Variants in ADARB2 observed in about 807,000 individuals in gnomAD.
ADARB2 encodes the protein inactive double-stranded RNA-specific editase B2.
ADARB2 carries 25 observed loss-of-function variants against 62.2 expected under a neutral mutation model. That is an observed-to-expected ratio of 0.40 (90% CI 0.29 to 0.56). The LOEUF is 0.56. ADARB2 is among the 20% of genes least tolerant of loss of function. ADARB2 has a pLI of 0.43. For synonymous variants in ADARB2, 572 were observed against 500.8 expected (o/e 1.14, Z -1.90); for missense variants, 1,071 against 1,077.4 (o/e 0.99, Z 0.08).
intron 4 of ADARB2, among the ~76,000 whole-genome samples, chr10:1,244,312 G>A (rs1830957401): frequency 6.6e-6 from 1 of 152,234 alleles, no homozygotes. Flanking sequence ...TAGAGAAATG[G>A]GAAACACATT....
chr10:1,276,291 T>A (rs2131802199), intron 3 of ADARB2, among the ~76,000 whole-genome samples: 1 of 152,356 alleles, frequency 6.6e-6, no homozygotes, highest in Non-Finnish European at 1.5e-5. Context: ...GTCTTTTGGC[T>A]GCATAAATGT....
chr10:1,446,760 G>A (rs1478447226), intron 1 of ADARB2, among the ~76,000 whole-genome samples: 3 of 152,102 alleles, frequency 2.0e-5, no homozygotes, highest in Admixed American at 1.3e-4. Context: ...ATGCAAGTTC[G>A]CCTATTATAG....
chr10:1,586,352 T>G (rs1190156779), intron 1 of ADARB2, among the ~76,000 whole-genome samples: 5 of 152,154 alleles, frequency 3.3e-5, no homozygotes, highest in Admixed American at 1.3e-4. Flanking sequence ...GGACCCCGAG[T>G]GCTTGATCTG....
At chr10:1,420,612 G>GAA (rs869094551) in intron 1 of ADARB2, among the ~76,000 whole-genome samples, 3 of 120,456 alleles carry the variant, frequency 2.5e-5, no homozygotes, top group African/African-American at 1.0e-4. Context: ...CAGAAAGAGG[G>GAA]AAAAAAAAAA....
intron 7 of ADARB2, among the ~76,000 whole-genome samples, chr10:1,211,031 G>A (rs911504255): frequency 1.2e-4 from 19 of 152,134 alleles, no homozygotes; most frequent in African/African-American, 2.7e-4. Context: ...TGCCAATGGC[G>A]CTGTGAGGGG....
chr10:1,266,717 G>A (rs1391377593), intron 4 of ADARB2, among the ~76,000 whole-genome samples: 2 of 152,172 alleles, frequency 1.3e-5, no homozygotes, highest in African/African-American at 4.8e-5. Context: ...GCAGGACACG[G>A]GAGAAAGACC....
At chr10:1,231,108 C>T (rs538238312) in intron 6 of ADARB2, among the ~76,000 whole-genome samples, 3 of 152,170 alleles carry the variant, frequency 2.0e-5, no homozygotes, top group Admixed American at 6.5e-5. Flanking sequence ...GGGGAGACCA[C>T]GGGGTCTCAG....
At chr10:1,198,563 T>C (rs1836941268) in intron 8 of ADARB2, among the ~76,000 whole-genome samples, 1 of 152,224 alleles carries the variant, frequency 6.6e-6, no homozygotes, top group African/African-American at 2.4e-5. Flanking sequence ...GAAAACCAGA[T>C]TCCCAATAAG....
intron 1 of ADARB2, among the ~76,000 whole-genome samples, chr10:1,728,674 C>G (rs1369457792): frequency 6.6e-6 from 1 of 152,196 alleles, no homozygotes; most frequent in Non-Finnish European, 1.5e-5. Context: ...TATATGAACT[C>G]TCACATTTGT....
chr10:1,669,813 G>GAC (rs1329958180), intron 1 of ADARB2, among the ~76,000 whole-genome samples: 1 of 148,958 alleles, frequency 6.7e-6, no homozygotes, highest in Non-Finnish European at 1.5e-5. Context: ...GACAAACACA[G>GAC]ACACATAGAC....
chr10:1,516,680 C>A (rs1336108956), intron 1 of ADARB2, among the ~76,000 whole-genome samples: 2 of 152,216 alleles, frequency 1.3e-5, no homozygotes, highest in Non-Finnish European at 2.9e-5. Context: ...GAGCTGCATG[C>A]GAATATCGCC....
intron 3 of ADARB2, among the ~76,000 whole-genome samples, chr10:1,353,344 C>A (rs1045115565): frequency 1.3e-5 from 2 of 152,182 alleles, no homozygotes; most frequent in African/African-American, 4.8e-5. Context: ...CCCTCCTTAG[C>A]GAACATCCGC....
At chr10:1,189,826 G>GTTCAC (rs1564215050) in intron 8 of ADARB2, among the ~76,000 whole-genome samples, 34 of 98,014 alleles carry the variant, frequency 3.5e-4, no homozygotes, top group African/African-American at 1.1e-3. Flanking sequence ...TCCTTCCCCA[G>GTTCAC]AACACGTGGC....
intron 4 of ADARB2, among the ~76,000 whole-genome samples, chr10:1,270,095 A>C (rs780014707): frequency 1.3e-5 from 2 of 152,212 alleles, no homozygotes; most frequent in Admixed American, 6.5e-5. Context: ...CACAGCCAAG[A>C]CATGGTGCTG....
In ADARB2 at chr10:1,199,949, G is replaced by A. The variant is rs747794898; in HGVS notation, c.1864+17C>T. 5 of 1,504,382 alleles carry A rather than the reference G, an allele frequency of 3.3e-6. No individual in the cohort carries two copies. The highest frequency in any genetic ancestry group is 3.5e-6 in the Non-Finnish European group (4 of 1,128,334). 93.2% of individuals were successfully genotyped at this position (1,504,382 alleles called of 1,614,324 possible). A position where few individuals can be genotyped will look rare whatever the true frequency, so the allele number is the denominator to read the frequency against. ...GGTGGGAAGGAGGTGGAGGGCCCCC[G>A]GGAAGGGGGTTCTTACCGCTGAGGA... On this transcript the variant is annotated intron_variant, in intron 8 of 9. Transcript: ENST00000381312.
chr10:1,727,252 A>G (rs1185444630), intron 1 of ADARB2, among the ~76,000 whole-genome samples: 1 of 152,130 alleles, frequency 6.6e-6, no homozygotes, highest in African/African-American at 2.4e-5. Flanking sequence ...AGAAATCCCA[A>G]CAAAGGAGGA....
At chr10:1,327,214 CA>C in intron 3 of ADARB2, among the ~76,000 whole-genome samples, 1 of 118,830 alleles carries the variant, frequency 8.4e-6, no homozygotes, top group Non-Finnish European at 1.8e-5. Context: ...CGCCTCCTCA[CA>C]GTTCAGCGCC....
intron 4 of ADARB2, among the ~76,000 whole-genome samples, chr10:1,244,768 A>C (rs1235363271): frequency 2.0e-5 from 3 of 152,074 alleles, no homozygotes; most frequent in Admixed American, 6.6e-5. Context: ...GGAGAGACGG[A>C]CTCACACCCA....
chr10:1,391,245 A>G (rs371829260), intron 1 of ADARB2, among the ~76,000 whole-genome samples: 33 of 150,666 alleles, frequency 2.2e-4, no homozygotes, highest in African/African-American at 7.9e-4. Flanking sequence ...AACAACCAAT[A>G]GGCGATGTCT....
Sources: allele counts gnomAD v4.1 joint callset (sites outside exome capture counted in the v4.1 genomes callset), GRCh38; gene constraint gnomAD v4.1.1; transcripts MANE v1.5; gene names NCBI Gene and HGNC (gene_info 2026-07-23, HGNC 2026-07-21).